CDH13: variants seen among roughly 807,000 people sequenced by gnomAD.
The protein encoded by CDH13 is cadherin-13.
In CDH13, 24 loss-of-function variants were observed where a neutral mutation model predicts 63.8. The ratio of observed to expected loss-of-function variants is 0.38; its 90% CI spans 0.27 to 0.53. CDH13 has a LOEUF of 0.53. Ranked by LOEUF, CDH13 falls within the 20% of genes least tolerant of loss-of-function variation. CDH13 has a pLI of 0.85. For synonymous variants in CDH13, 503 were observed against 355.3 expected, an observed-to-expected ratio of 1.42 and a Z score of -4.67; for missense variants, 1,049 against 903.1, an observed-to-expected ratio of 1.16 and a Z score of -2.07.
At chr16:82,642,422 G>C (rs560559065) in intron 1 of CDH13, among the ~76,000 whole-genome samples, 2 of 152,074 alleles carry the variant, frequency 1.3e-5, no homozygotes, top group African/African-American at 2.4e-5. Context: ...TAATGTACAG[G>C]GCATAATAAA....
intron 2 of CDH13, among the ~76,000 whole-genome samples, chr16:83,001,756 T>C (rs995323455): frequency 6.6e-6 from 1 of 152,192 alleles, no homozygotes; most frequent in Non-Finnish European, 1.5e-5. Flanking sequence ...GGATATTTTG[T>C]GCATGTCAAT....
chr16:82,968,126 C>T (rs1200266161), intron 2 of CDH13, among the ~76,000 whole-genome samples: 1 of 152,194 alleles, frequency 6.6e-6, no homozygotes, highest in Non-Finnish European at 1.5e-5. Flanking sequence ...AGTTTCATTA[C>T]TATGGTTTTA....
chr16:83,531,647 G>A (rs1009800184), intron 7 of CDH13, among the ~76,000 whole-genome samples: 7 of 152,140 alleles, frequency 4.6e-5, no homozygotes, highest in Non-Finnish European at 8.8e-5. Flanking sequence ...GGAGGCGAGT[G>A]GTATTGACTG....
At chr16:83,196,763 G>C (rs578207870) in intron 4 of CDH13, among the ~76,000 whole-genome samples, 3 of 152,234 alleles carry the variant, frequency 2.0e-5, no homozygotes, top group Non-Finnish European at 4.4e-5. Flanking sequence ...TATTAGAACA[G>C]TTAATTTATT....
chr16:83,070,536 T>TA (rs563497254), intron 3 of CDH13, among the ~76,000 whole-genome samples: 8 of 152,260 alleles, frequency 5.3e-5, no homozygotes, highest in Middle Eastern at 3.4e-3. Flanking sequence ...GGTGCAGTAT[T>TA]AAAAAAACTA....
intron 8 of CDH13, among the ~76,000 whole-genome samples, chr16:83,616,995 C>T (rs968503709): frequency 2.0e-5 from 3 of 152,166 alleles, no homozygotes; most frequent in Non-Finnish European, 4.4e-5. Context: ...TATCCTTCAC[C>T]ACCCAACTTA....
chr16:82,817,715 G>A (rs1425983153), intron 1 of CDH13, among the ~76,000 whole-genome samples: 1 of 152,136 alleles, frequency 6.6e-6, no homozygotes, highest in South Asian at 2.1e-4. Flanking sequence ...TGAGGTGGGA[G>A]AATCACTTGA....
At chr16:83,560,545 C>T (rs2075684755) in intron 7 of CDH13, among the ~76,000 whole-genome samples, 1 of 152,166 alleles carries the variant, frequency 6.6e-6, no homozygotes, top group Non-Finnish European at 1.5e-5. Context: ...TATTAGACAA[C>T]AGTACAAAGT....
At chr16:83,385,304 G>T (rs2091651222) in intron 6 of CDH13, among the ~76,000 whole-genome samples, 1 of 152,174 alleles carries the variant, frequency 6.6e-6, no homozygotes, top group African/African-American at 2.4e-5. Flanking sequence ...GCCTCATTAG[G>T]CAGCTAAGGC....
intron 1 of CDH13, among the ~76,000 whole-genome samples, chr16:82,766,768 C>T (rs968452445): frequency 1.3e-5 from 2 of 152,068 alleles, no homozygotes; most frequent in Non-Finnish European, 2.9e-5. Flanking sequence ...TTCCTCGGTG[C>T]AAAATATGAG....
chr16:83,048,163 T>C (rs973537846), intron 3 of CDH13, among the ~76,000 whole-genome samples: 2 of 152,322 alleles, frequency 1.3e-5, no homozygotes, highest in South Asian at 2.1e-4. Flanking sequence ...TGCTTTCATC[T>C]CAGTGATGGA....
In CDH13 at chr16:83,601,935, G is replaced by A. The variant is rs544247277; in HGVS notation, c.961-519G>A. On this transcript the variant is annotated intron_variant, in intron 7 of 13. Coordinates refer to ENST00000567109, the MANE Select transcript of CDH13 (RefSeq NM_001257.5). ...TGGTGATACCCTGTCCCTACTAAAA[G>A]TACAAATATTAGCCAGGCATGGTGA... Among the ~76,000 whole-genome samples the A allele has an allele frequency of 9.1e-3, 1,378 of 151,708 alleles. 22 individuals carry two copies. The highest frequency in any genetic ancestry group is 0.032 in the African/African-American group (1,325 of 41,412).
At position 82,627,337 on chromosome 16, in the gene CDH13, C is replaced by CGTGTGTGTGTGTGTGTGT. The variant is rs71146081; in HGVS notation, c.45+227_45+244dup. On this transcript the variant is annotated intron_variant, in intron 1 of 13. Transcript: ENST00000567109. ...ACACACAGGCTCCCACTCTGGCGTGCGTGTGTGTGTGTGTGTGTGTGTGTG... is the reference window on the plus strand; with the variant it reads ...ACACACAGGCTCCCACTCTGGCGTGCGTGTGTGTGTGTGTGTGTGTGTGTGTGTGTGTGTGTGTGTGTG... Among the ~76,000 whole-genome samples the CGTGTGTGTGTGTGTGTGT allele has an allele frequency of 1.4e-4, 19 of 131,256 alleles. No individual in the cohort carries two copies. The East Asian group carries it at 1.6e-3, about 11-fold the overall frequency. The allele number at this position is 131,256 out of a possible 152,430, so 86.1% of individuals were successfully genotyped here. A position where few individuals can be genotyped will look rare whatever the true frequency, so the allele number is the denominator to read the frequency against.
intron 7 of CDH13, among the ~76,000 whole-genome samples, chr16:83,532,221 T>A (rs542652271): frequency 2.0e-5 from 3 of 152,248 alleles, no homozygotes; most frequent in Admixed American, 6.5e-5. Context: ...TATTGCCCAG[T>A]CTCAGGTATG....
intron 1 of CDH13, among the ~76,000 whole-genome samples, chr16:82,637,407 A>C (rs1597180701): frequency 7.1e-6 from 1 of 140,722 alleles, no homozygotes; most frequent in East Asian, 2.3e-4. Flanking sequence ...TCAGAAGCTG[A>C]GGTCTGTACA....
chr16:83,438,410 A>T lies in CDH13; in HGVS notation c.782-48067A>T, dbSNP rs549855936. On this transcript the variant is annotated intron_variant, in intron 6 of 13. Transcript: ENST00000567109. ...TGTAGGTTGATTTAGGAATTGAAGT[A>T]TGTTAAAGGAATACATTTGAGATGG... Among the ~76,000 whole-genome samples, 16 of 152,352 alleles carry T rather than the reference A, an allele frequency of 1.1e-4. No individual in the cohort carries two copies. The South Asian group carries it at 3.3e-3, about 32-fold the overall frequency.
At chr16:83,384,413 C>A (rs758929152) in intron 6 of CDH13, among the ~76,000 whole-genome samples, 16 of 152,142 alleles carry the variant, frequency 1.1e-4, no homozygotes, top group Non-Finnish European at 2.2e-4. Flanking sequence ...AATAGACTAC[C>A]GAGGCGAATT....
rs1197597078 is a variant in CDH13, at chr16:83,633,707, C to G, written c.1101+31113C>G. ...ACTGGCTTTCCGTAGCACTTTCTCT[C>G]GTTTTTGTTTCCAAAATCACTATTT... On this transcript the variant is annotated intron_variant, in intron 8 of 13. Transcript: ENST00000567109. Among the ~76,000 whole-genome samples, 3 of 152,268 alleles carry G rather than the reference C, an allele frequency of 2.0e-5. No homozygotes were observed. The South Asian group carries it at 6.2e-4, about 32-fold the overall frequency.
At chr16:83,463,829 G>A (rs772028001) in intron 6 of CDH13, among the ~76,000 whole-genome samples, 20 of 152,164 alleles carry the variant, frequency 1.3e-4, no homozygotes, top group Non-Finnish European at 2.6e-4. Flanking sequence ...AAAGTGGCTT[G>A]GAGCACTTCG....
Sources: allele counts gnomAD v4.1 joint callset (sites outside exome capture counted in the v4.1 genomes callset), GRCh38; gene constraint gnomAD v4.1.1; transcripts MANE v1.5; gene names NCBI Gene and HGNC (gene_info 2026-07-23, HGNC 2026-07-21).